The following RANBP17 variants were observed in gnomAD, a reference collection of about 807,000 sequenced individuals.
RANBP17 encodes ran-binding protein 17.
RANBP17 carries 158 observed loss-of-function variants against 141.2 expected under a neutral mutation model. That is an observed-to-expected ratio of 1.12 (90% CI 0.98 to 1.28). The LOEUF is 1.28. RANBP17 is among the 50% of genes most tolerant of loss of function. RANBP17 has a pLI of 0.00. For missense variants in RANBP17, 1,438 were observed against 1,290.7 expected (o/e 1.11, Z -1.75); for synonymous variants, 430 against 450.0 (o/e 0.96, Z 0.56).
At chr5:170,971,837 C>T (rs1419798847) in intron 14 of RANBP17, among the ~76,000 whole-genome samples, 1 of 152,062 alleles carries the variant, frequency 6.6e-6, no homozygotes, top group African/African-American at 2.4e-5. Context: ...TTCCATTTTG[C>T]TTCTCCCCAC....
At chr5:171,013,065 A>G (rs1780174150) in intron 14 of RANBP17, among the ~76,000 whole-genome samples, 1 of 152,204 alleles carries the variant, frequency 6.6e-6, no homozygotes, top group Non-Finnish European at 1.5e-5. Context: ...CAGAAGACAT[A>G]TTGCATTGAG....
intron 14 of RANBP17, among the ~76,000 whole-genome samples, chr5:171,030,188 T>C (rs1219349934): frequency 6.6e-6 from 1 of 152,116 alleles, no homozygotes; most frequent in East Asian, 1.9e-4. Context: ...AAGAATACTG[T>C]TGGCTTCTTG....
chr5:171,233,679 A>G (rs763223543), intron 22 of RANBP17, among the ~76,000 whole-genome samples: 7 of 152,228 alleles, frequency 4.6e-5, no homozygotes, highest in Non-Finnish European at 7.3e-5. Flanking sequence ...ACTACGTGAC[A>G]TTCTGGAAAA....
At chr5:171,149,774 C>T (rs534898461) in intron 14 of RANBP17, among the ~76,000 whole-genome samples, 3 of 152,152 alleles carry the variant, frequency 2.0e-5, no homozygotes, top group South Asian at 2.1e-4. Flanking sequence ...ATCTATGGAA[C>T]GTGTCTTACT....
At chr5:170,907,561 T>C (rs574187301) in intron 5 of RANBP17, among the ~76,000 whole-genome samples, 5 of 152,078 alleles carry the variant, frequency 3.3e-5, no homozygotes, top group African/African-American at 1.2e-4. Context: ...TACACCTAAG[T>C]TTCTTTCCAT....
intron 14 of RANBP17, among the ~76,000 whole-genome samples, chr5:171,069,770 A>G (rs981155467): frequency 6.6e-6 from 1 of 152,162 alleles, no homozygotes; most frequent in Non-Finnish European, 1.5e-5. Flanking sequence ...TCAACTCATG[A>G]TGGGTTTGTC....
At chr5:170,926,617 T>G (rs571344841) in intron 12 of RANBP17, among the ~76,000 whole-genome samples, 1 of 152,292 alleles carries the variant, frequency 6.6e-6, no homozygotes, top group East Asian at 1.9e-4. Context: ...CATTTTAGTG[T>G]GTTATTCTTA....
At chr5:171,244,986 G>A (rs1057063948) in intron 24 of RANBP17, among the ~76,000 whole-genome samples, 5 of 151,880 alleles carry the variant, frequency 3.3e-5, no homozygotes, top group South Asian at 2.1e-4. Flanking sequence ...AAAATTAGCC[G>A]GGCTTGGTAG....
intron 1 of RANBP17, among the ~76,000 whole-genome samples, chr5:170,873,508 A>G (rs994789537): frequency 5.3e-5 from 8 of 152,020 alleles, no homozygotes; most frequent in Non-Finnish European, 1.2e-4. Flanking sequence ...CTATTTTTTT[A>G]CTGCTTTAAT....
At chr5:171,077,061 C>T (rs914708986) in intron 14 of RANBP17, among the ~76,000 whole-genome samples, 9 of 152,044 alleles carry the variant, frequency 5.9e-5, no homozygotes, top group South Asian at 2.1e-4. Flanking sequence ...TACAACATGC[C>T]GGGCGCATTG....
Position 171,185,381 on chromosome 5 carries a change from C to A in RANBP17, c.2038+1951C>A, listed in dbSNP as rs10064646. 4.2e-3 allele frequency among the ~76,000 whole-genome samples: 634 copies of A among 152,280 alleles called. 3 individuals carry two copies. Among genetic ancestry groups the A allele is most frequent in the African/African-American group, 0.014 (599 of 41,548 alleles). On this transcript the variant is annotated intron_variant, in intron 18 of 27. Coordinates refer to ENST00000523189, the MANE Select transcript of RANBP17 (RefSeq NM_022897.5). Reference sequence around the variant, plus strand: ...TGCTGCATCAATTGACTTCCTTTCACAAAAGATTTTTCTGTAGCATACAAT... The same window carrying A: ...TGCTGCATCAATTGACTTCCTTTCAAAAAAGATTTTTCTGTAGCATACAAT...
At chr5:171,041,563 A>G (rs948394970) in intron 14 of RANBP17, among the ~76,000 whole-genome samples, 1 of 152,060 alleles carries the variant, frequency 6.6e-6, no homozygotes, top group African/African-American at 2.4e-5. Flanking sequence ...TCTTACACAA[A>G]CCTGGATGGT....
intron 14 of RANBP17, among the ~76,000 whole-genome samples, chr5:171,001,644 G>C (rs1231106406): frequency 2.6e-5 from 4 of 152,170 alleles, no homozygotes; most frequent in African/African-American, 9.7e-5. Context: ...GTTGGAGGCT[G>C]AGCTTGGTGA....
At chr5:170,997,351 G>A (rs536867884) in intron 14 of RANBP17, among the ~76,000 whole-genome samples, 8 of 152,172 alleles carry the variant, frequency 5.3e-5, no homozygotes, top group South Asian at 2.1e-4. Flanking sequence ...TCAATCCAGC[G>A]TCCTGTATCC....
chr5:170,963,932 T>C (rs1413579266), intron 13 of RANBP17, among the ~76,000 whole-genome samples: 1 of 151,938 alleles, frequency 6.6e-6, no homozygotes, highest in Admixed American at 6.5e-5. Flanking sequence ...GACAGCCAAA[T>C]AGAAAAAAAA....
chr5:170,863,842 C>G (rs1300843862), intron 1 of RANBP17, among the ~76,000 whole-genome samples: 2 of 150,610 alleles, frequency 1.3e-5, no homozygotes, highest in African/African-American at 4.8e-5. Flanking sequence ...ATGTACTTCA[C>G]AGTACATTCC....
At chr5:171,034,100 A>G (rs1340567562) in intron 14 of RANBP17, among the ~76,000 whole-genome samples, 1 of 152,144 alleles carries the variant, frequency 6.6e-6, no homozygotes, top group Non-Finnish European at 1.5e-5. Flanking sequence ...CAAGAGTGAG[A>G]CCTGTCTCTA....
rs1342794205 is a variant in RANBP17, at chr5:171,290,153, G to A, written c.2944-3730G>A. Among the ~76,000 whole-genome samples the A allele has an allele frequency of 3.3e-5, 5 of 151,908 alleles. No homozygotes were observed. In the East Asian group the frequency reaches 9.7e-4, roughly 29 times the overall value. Reference sequence around the variant, plus strand: ...GGAGGCGGAGGCAGGTGGATCACGAGGTCAGGAGTTCGAGACCAGCCTGAC... The same window carrying A: ...GGAGGCGGAGGCAGGTGGATCACGAAGTCAGGAGTTCGAGACCAGCCTGAC... On this transcript the variant is annotated intron_variant, in intron 25 of 27. Coordinates refer to ENST00000523189, the MANE Select transcript of RANBP17 (RefSeq NM_022897.5).
In RANBP17 at chr5:170,954,511, T is replaced by TACACACAC. The variant is rs71787034; in HGVS notation, c.1574+836_1574+843dup. Among the ~76,000 whole-genome samples, 654 of 125,716 alleles carry TACACACAC rather than the reference T, an allele frequency of 5.2e-3. 7 individuals carry two copies. The highest frequency in any genetic ancestry group is 0.017 in the African/African-American group (571 of 33,624). The allele number at this position is 125,716 out of a possible 152,430, so 82.5% of individuals were successfully genotyped here. ...GTGCCTGGCAATTAGTGGTATATTT[T>TACACACAC]ACACACACACACACACACACACACA... On this transcript the variant is annotated intron_variant, in intron 13 of 27. Coordinates refer to ENST00000523189, the MANE Select transcript of RANBP17 (RefSeq NM_022897.5).
Sources: allele counts gnomAD v4.1 joint callset (sites outside exome capture counted in the v4.1 genomes callset), GRCh38; gene constraint gnomAD v4.1.1; transcripts MANE v1.5; gene names NCBI Gene and HGNC (gene_info 2026-07-23, HGNC 2026-07-21).